Variants in AP2B1 observed in about 807,000 individuals in gnomAD.
AP2B1 encodes the protein adaptor related protein complex 2 subunit beta 1.
Under a neutral mutation model 102.0 loss-of-function variants are expected in AP2B1, and 23 were observed. The observed-to-expected ratio is 0.23, with a 90% confidence interval of 0.16 to 0.32. The LOEUF is 0.32. Ranked by LOEUF, AP2B1 falls within the 10% of genes least tolerant of loss-of-function variation. The pLI is 1.00. For missense variants in AP2B1, 541 were observed against 1,157.4 expected (o/e 0.47, Z 7.73); for synonymous variants, 381 against 421.2 (o/e 0.90, Z 1.17).
At chr17:35,722,586 T>TTG (rs1255531741) in intron 21 of AP2B1, among the ~76,000 whole-genome samples, 1 of 135,054 alleles carries the variant, frequency 7.4e-6, no homozygotes, top group African/African-American at 2.8e-5. Flanking sequence ...TTCTTGACCT[T>TTG]TTATTCAAAG....
chr17:35,614,501 T>C (rs990426038), intron 5 of AP2B1, among the ~76,000 whole-genome samples: 1 of 152,098 alleles, frequency 6.6e-6, no homozygotes, highest in African/African-American at 2.4e-5. Context: ...GCTTTTTGTC[T>C]TCTTGGGTTC....
At chr17:35,638,317 C>T (rs1197340195) in intron 10 of AP2B1, among the ~76,000 whole-genome samples, 1 of 152,088 alleles carries the variant, frequency 6.6e-6, no homozygotes, top group African/African-American at 2.4e-5. Flanking sequence ...TTTAGTTGTC[C>T]ACATCTAATT....
At chr17:35,682,899 A>G (rs2075854458) in intron 18 of AP2B1, 75 bp downstream of exon 18, 1 of 1,367,654 alleles carries the variant, frequency 7.3e-7, no homozygotes, top group African/African-American at 1.5e-5. Flanking sequence ...ATTTTTAAAG[A>G]CACAGTCTTA....
At chr17:35,639,827 A>G (rs1359089884) in intron 11 of AP2B1, 67 bp downstream of exon 11, 5 of 1,441,494 alleles carry the variant, frequency 3.5e-6, no homozygotes, top group Admixed American at 1.9e-5. Context: ...AGAGAAAGCA[A>G]AGGTTATAGG....
In AP2B1 at chr17:35,653,720, G is replaced by T. The variant is rs545090389; in HGVS notation, c.1796+2931G>T. Among the ~76,000 whole-genome samples the T allele has an allele frequency of 2.2e-4, 33 of 152,006 alleles. 1 individual carries two copies. The South Asian group carries it at 6.9e-3, about 32-fold the overall frequency. ...CGAACTCTTGACCTCAGGTAATCCA[G>T]CTGCCTTGGCCTCCCAAAGTGCCAG... On this transcript the variant is annotated intron_variant, in intron 13 of 21. Transcript: ENST00000610402.
At chr17:35,655,166 G>T (rs148336636) in intron 13 of AP2B1, among the ~76,000 whole-genome samples, 1 of 152,116 alleles carries the variant, frequency 6.6e-6, no homozygotes, top group East Asian at 1.9e-4. Context: ...TAACATTATT[G>T]CTTCTATTAA....
At chr17:35,598,209 G>T in intron 2 of AP2B1, 21 bp from the exon 3 acceptor site, 3 of 1,541,976 alleles carry the variant, frequency 1.9e-6, no homozygotes, top group South Asian at 2.2e-5. Context: ...AACCTTACCA[G>T]TTTGCTCTCA....
intron 9 of AP2B1, among the ~76,000 whole-genome samples, chr17:35,635,955 C>T (rs921483337): frequency 6.6e-6 from 1 of 151,472 alleles, no homozygotes; most frequent in African/African-American, 2.4e-5. Context: ...TCCCAAAATG[C>T]TGGGATTACA....
intron 5 of AP2B1, among the ~76,000 whole-genome samples, chr17:35,610,122 A>G (rs1024166363): frequency 6.7e-6 from 1 of 148,840 alleles, no homozygotes; most frequent in Admixed American, 6.8e-5. Context: ...TCCCCTAAGT[A>G]ACACCATATG....
chr17:35,676,788 G>GTTGT, intron 17 of AP2B1, among the ~76,000 whole-genome samples: 1 of 32,676 alleles, frequency 3.1e-5, no homozygotes, highest in African/African-American at 3.0e-4. Context: ...AAGCATATTG[G>GTTGT]TCATATATAT....
At chr17:35,616,883 C>T (rs1290425552) in intron 5 of AP2B1, among the ~76,000 whole-genome samples, 2 of 152,142 alleles carry the variant, frequency 1.3e-5, no homozygotes, top group Non-Finnish European at 2.9e-5. Flanking sequence ...CCTGGTTCTG[C>T]TATTTCTTAG....
chr17:35,589,131 G>A (rs1262427931), intron 1 of AP2B1, among the ~76,000 whole-genome samples: 1 of 152,136 alleles, frequency 6.6e-6, no homozygotes, highest in Non-Finnish European at 1.5e-5. Context: ...AGTCTGTTAT[G>A]TTTAAATAGA....
At chr17:35,637,313 T>A (rs1352757627) in intron 10 of AP2B1, among the ~76,000 whole-genome samples, 2 of 151,966 alleles carry the variant, frequency 1.3e-5, no homozygotes, top group Non-Finnish European at 2.9e-5. Flanking sequence ...GCTTCCCAAG[T>A]AGCTATGATT....
chr17:35,593,361 C>T (rs1422807986), intron 1 of AP2B1, among the ~76,000 whole-genome samples: 1 of 151,976 alleles, frequency 6.6e-6, no homozygotes, highest in Non-Finnish European at 1.5e-5. Flanking sequence ...CCCATTTACA[C>T]TAATGTAATT....
intron 10 of AP2B1, among the ~76,000 whole-genome samples, chr17:35,638,569 A>G (rs780869627): frequency 4.6e-5 from 7 of 152,038 alleles, no homozygotes; most frequent in Non-Finnish European, 7.4e-5. Flanking sequence ...TGGGCGGATC[A>G]TGAGGTCAGG....
chr17:35,624,284 C>A, intron 5 of AP2B1, 113 bp from the exon 6 acceptor site: 1 of 941,236 alleles, frequency 1.1e-6, no homozygotes, highest in Non-Finnish European at 1.6e-6. Flanking sequence ...GTAAAATGTT[C>A]AGGAATGGTT....
chr17:35,716,452 A>G (rs191629487), intron 20 of AP2B1, among the ~76,000 whole-genome samples: 2 of 152,300 alleles, frequency 1.3e-5, no homozygotes, highest in East Asian at 3.9e-4. Context: ...AACTTCTGTC[A>G]TAGTTTCTGT....
intron 9 of AP2B1, among the ~76,000 whole-genome samples, chr17:35,628,873 G>A (rs1024469817): frequency 6.6e-6 from 1 of 151,790 alleles, no homozygotes; most frequent in Non-Finnish European, 1.5e-5. Context: ...TATTACGACT[G>A]TGTAAATATT....
At chr17:35,677,287 G>C (rs1263743423) in intron 17 of AP2B1, among the ~76,000 whole-genome samples, 1 of 152,208 alleles carries the variant, frequency 6.6e-6, no homozygotes, top group Non-Finnish European at 1.5e-5. Flanking sequence ...ACTGCACCCA[G>C]TCGAAAGTTT....
Sources: gnomAD v4.1 joint callset for allele counts (sites outside exome capture counted in the v4.1 genomes callset) on GRCh38, gnomAD v4.1.1 for gene constraint, MANE v1.5 for transcripts, NCBI Gene and HGNC (gene_info 2026-07-23, HGNC 2026-07-21) for gene names.